Variants in ATP2B4 observed in about 807,000 individuals in gnomAD.
The protein encoded by ATP2B4 is plasma membrane calcium-transporting ATPase 4.
ATP2B4 carries 39 observed loss-of-function variants against 110.3 expected under a neutral mutation model. The ratio of observed to expected loss-of-function variants is 0.35; its 90% CI spans 0.27 to 0.46. The LOEUF (loss-of-function observed/expected upper bound fraction) is 0.46. Among genes scored for constraint, ATP2B4 ranks in the 20% least tolerant of loss-of-function variants. The probability of loss-of-function intolerance (pLI) is 1.00; values close to 1 mark genes in which losing one functional copy is unlikely to be tolerated. For synonymous variants in ATP2B4, 538 were observed against 571.7 expected (o/e 0.94, Z 0.84); for missense variants, 1,135 against 1,530.9 (o/e 0.74, Z 4.32).
rs147795018 is a variant in ATP2B4, at chr1:203,632,122, T to C, written c.-465+4903T>C. On this transcript the variant is annotated intron_variant, in intron 1 of 20. Coordinates refer to ENST00000357681, the MANE Select transcript of ATP2B4 (RefSeq NM_001684.5). ...AAGGCATATTTACAATAGGAAATCA[T>C]TGGAAACTATCCAAATGCCCATTCT... Among the ~76,000 whole-genome samples, 660 of 152,052 alleles carry C rather than the reference T, an allele frequency of 4.3e-3. 3 individuals are homozygous for C. The highest frequency in any genetic ancestry group is 9.1e-3 in the African/African-American group (379 of 41,454).
intron 2 of ATP2B4, among the ~76,000 whole-genome samples, chr1:203,691,565 G>A (rs1558035937): frequency 1.3e-5 from 2 of 152,196 alleles, no homozygotes; most frequent in Admixed American, 6.5e-5. Context: ...TGAGGAAGCG[G>A]CCCACCTTGG....
At chr1:203,725,192 G>A (rs1361525126) in intron 19 of ATP2B4, among the ~76,000 whole-genome samples, 1 of 150,634 alleles carries the variant, frequency 6.6e-6, no homozygotes, top group Non-Finnish European at 1.5e-5. Flanking sequence ...TTGTTGCCCA[G>A]GCTGGAGTGC....
chr1:203,634,852 CG>C (rs1663390470), intron 1 of ATP2B4, among the ~76,000 whole-genome samples: 2 of 152,018 alleles, frequency 1.3e-5, no homozygotes, highest in South Asian at 4.1e-4. Flanking sequence ...TTTGTAGAGA[CG>C]GGGTTTCACC....
At chr1:203,651,776 G>A (rs1006149718) in intron 1 of ATP2B4, among the ~76,000 whole-genome samples, 2 of 150,106 alleles carry the variant, frequency 1.3e-5, no homozygotes, top group Non-Finnish European at 3.0e-5. Flanking sequence ...ATGAACACAC[G>A]GCTAGGCACG....
At chr1:203,705,351 C>T (rs984485014) in intron 8 of ATP2B4, among the ~76,000 whole-genome samples, 2 of 152,182 alleles carry the variant, frequency 1.3e-5, no homozygotes, top group African/African-American at 4.8e-5. Flanking sequence ...ATTAAATCTA[C>T]CCCACCTAAC....
intron 1 of ATP2B4, chr1:203,657,511 C>T: frequency 1.3e-6 from 1 of 793,716 alleles, no homozygotes; most frequent in Non-Finnish European, 2.3e-6. Flanking sequence ...GGAGTCTTTT[C>T]ATCCTTCTTT....
intron 15 of ATP2B4, 120 bp from the exon 16 acceptor site, chr1:203,720,428 CT>C: frequency 2.0e-6 from 2 of 983,588 alleles, no homozygotes; most frequent in Non-Finnish European, 2.9e-6. Context: ...TCTTTGTTTT[CT>C]TTTGTGTGAC....
intron 1 of ATP2B4, among the ~76,000 whole-genome samples, chr1:203,661,737 C>T (rs1053886286): frequency 6.6e-6 from 1 of 152,164 alleles, no homozygotes; most frequent in Admixed American, 6.5e-5. Context: ...TTTGCCAGGT[C>T]CCTTGAGTTC....
chr1:203,735,043 T>G (rs1415134358), intron 20 of ATP2B4, among the ~76,000 whole-genome samples: 1 of 140,844 alleles, frequency 7.1e-6, no homozygotes, highest in African/African-American at 2.6e-5. Context: ...AAAAAATCAA[T>G]TAGTTCACAT....
intron 15 of ATP2B4, among the ~76,000 whole-genome samples, chr1:203,719,625 G>A (rs1666261876): frequency 6.6e-6 from 1 of 151,856 alleles, no homozygotes; most frequent in African/African-American, 2.4e-5. Flanking sequence ...CAGGAGAGGA[G>A]ACTCGCTTGA....
chr1:203,668,277 G>A (rs1465579285), intron 1 of ATP2B4, among the ~76,000 whole-genome samples: 1 of 152,130 alleles, frequency 6.6e-6, no homozygotes, highest in African/African-American at 2.4e-5. Context: ...ACCCTGAAAG[G>A]AGCCAGGGTC....
chr1:203,726,231 T>C (rs911004648), intron 19 of ATP2B4, among the ~76,000 whole-genome samples: 8 of 151,920 alleles, frequency 5.3e-5, no homozygotes, highest in African/African-American at 1.9e-4. Flanking sequence ...TGAGACTCTA[T>C]GTCGAAAAAC....
At chr1:203,698,103 T>G in intron 2 of ATP2B4, 54 bp from the exon 3 acceptor site, 2 of 1,558,506 alleles carry the variant, frequency 1.3e-6, no homozygotes, top group Non-Finnish European at 1.8e-6. Context: ...AAACTGCCTT[T>G]TATCATTTTC....
At chr1:203,724,530 A>G (rs1013074179) in intron 19 of ATP2B4, among the ~76,000 whole-genome samples, 6 of 152,104 alleles carry the variant, frequency 3.9e-5, no homozygotes, top group Non-Finnish European at 8.8e-5. Flanking sequence ...AAGAAAAAAA[A>G]AAGAAAAATC....
chr1:203,658,970 C>T (rs1664251398), intron 1 of ATP2B4, among the ~76,000 whole-genome samples: 1 of 151,664 alleles, frequency 6.6e-6, no homozygotes, highest in Non-Finnish European at 1.5e-5. Flanking sequence ...CGCCACTGCA[C>T]TCCAGCCTGG....
rs533359686 is a variant in ATP2B4, at chr1:203,724,372, C to G, written c.3132+384C>G. Among the ~76,000 whole-genome samples the G allele has an allele frequency of 3.9e-5, 6 of 151,998 alleles. No homozygotes were observed. In the South Asian group the frequency reaches 8.3e-4, roughly 21 times the overall value. ...CTCTACTAAAAATACAAAAAATTAG[C>G]TGGGCATGGTGGCAGGTGCCTGTAG... On this transcript the variant is annotated intron_variant, in intron 19 of 20. Transcript: ENST00000357681.
chr1:203,684,092 C>T (rs1252024498), intron 2 of ATP2B4, among the ~76,000 whole-genome samples: 1 of 151,616 alleles, frequency 6.6e-6, no homozygotes, highest in Non-Finnish European at 1.5e-5. Flanking sequence ...TTCTATATGT[C>T]TGATTATAAA....
Position 203,683,157 on chromosome 1 carries a change from G to C in ATP2B4, c.-49G>C. 5.7e-6 allele frequency: 9 copies of C among 1,584,092 alleles called. No individual in the cohort carries two copies. The highest frequency in any genetic ancestry group is 7.7e-6 in the Non-Finnish European group (9 of 1,163,872). On this transcript the variant is annotated 5_prime_UTR_variant, in exon 2 of 21. Transcript: ENST00000357681. Reference sequence around the variant, plus strand: ...GGCAGGAGACACTGGTCAGTTGAAGGGAAACGCTACATCTTCTCTGGTTGA... The same window carrying C: ...GGCAGGAGACACTGGTCAGTTGAAGCGAAACGCTACATCTTCTCTGGTTGA...
intron 8 of ATP2B4, among the ~76,000 whole-genome samples, chr1:203,704,159 C>T (rs1369412590): frequency 6.6e-6 from 1 of 152,114 alleles, no homozygotes; most frequent in Non-Finnish European, 1.5e-5. Flanking sequence ...GTTGTAAATT[C>T]CTTAAAGATA....
Sources: allele counts gnomAD v4.1 joint callset (sites outside exome capture counted in the v4.1 genomes callset), GRCh38; gene constraint gnomAD v4.1.1; transcripts MANE v1.5; gene names NCBI Gene and HGNC (gene_info 2026-07-23, HGNC 2026-07-21).